RAB8B: variants seen among roughly 807,000 people sequenced by gnomAD.
The protein encoded by RAB8B is ras-related protein Rab-8B.
In RAB8B, 11 loss-of-function variants were observed where a neutral mutation model predicts 32.0. That is an observed-to-expected ratio of 0.34 (90% CI 0.22 to 0.57). The LOEUF is 0.57. RAB8B is among the 20% of genes least tolerant of loss of function. RAB8B has a pLI of 0.86. For synonymous variants in RAB8B, 103 were observed against 89.6 expected, an observed-to-expected ratio of 1.15 and a Z score of -0.85; for missense variants, 190 against 258.5, an observed-to-expected ratio of 0.73 and a Z score of 1.82.
intron 1 of RAB8B, among the ~76,000 whole-genome samples, chr15:63,234,658 A>T (rs2037963237): frequency 6.6e-6 from 1 of 152,164 alleles, no homozygotes; most frequent in South Asian, 2.1e-4. Context: ...CTTACCCCTC[A>T]CTGGTGCCAC....
intron 1 of RAB8B, among the ~76,000 whole-genome samples, chr15:63,236,098 A>G (rs569938502): frequency 6.6e-6 from 1 of 152,328 alleles, no homozygotes; most frequent in African/African-American, 2.4e-5. Flanking sequence ...TTTCTTAGCC[A>G]CACAGACAGG....
intron 1 of RAB8B, among the ~76,000 whole-genome samples, chr15:63,191,929 C>A (rs753844455): frequency 2.6e-5 from 4 of 151,984 alleles, no homozygotes; most frequent in Non-Finnish European, 5.9e-5. Context: ...CAGTGGATTT[C>A]AAAAAATGAT....
chr15:63,194,126 T>G, intron 1 of RAB8B, among the ~76,000 whole-genome samples: 1 of 152,182 alleles, frequency 6.6e-6, no homozygotes, highest in East Asian at 1.9e-4. Context: ...TTTCACTATT[T>G]AGTATAGTCA....
chr15:63,243,108 C>G (rs916590144), intron 1 of RAB8B, among the ~76,000 whole-genome samples: 1 of 152,152 alleles, frequency 6.6e-6, no homozygotes, highest in Non-Finnish European at 1.5e-5. Context: ...CTAGATCCCC[C>G]ACATGGGCAG....
intron 1 of RAB8B, among the ~76,000 whole-genome samples, chr15:63,215,842 G>A (rs1027881589): frequency 6.6e-6 from 1 of 152,034 alleles, no homozygotes; most frequent in Non-Finnish European, 1.5e-5. Flanking sequence ...TTTGAGACCA[G>A]CCTGGGCAAC....
At chr15:63,196,430 G>A (rs1219866155) in intron 1 of RAB8B, among the ~76,000 whole-genome samples, 1 of 152,258 alleles carries the variant, frequency 6.6e-6, no homozygotes, top group Non-Finnish European at 1.5e-5. Flanking sequence ...ATGGGCATCT[G>A]CCGTTCTAGC....
intron 3 of RAB8B, among the ~76,000 whole-genome samples, chr15:63,252,595 G>C (rs2152581604): frequency 6.6e-6 from 1 of 151,728 alleles, no homozygotes. Flanking sequence ...AGCTAGGGCA[G>C]TTATTTGGGT....
At chr15:63,241,218 T>C (rs1408043571) in intron 1 of RAB8B, among the ~76,000 whole-genome samples, 2 of 152,076 alleles carry the variant, frequency 1.3e-5, no homozygotes, top group African/African-American at 4.8e-5. Context: ...TGGAGCACAC[T>C]GTAATCCCAG....
chr15:63,255,702 C>A, intron 4 of RAB8B, 118 bp downstream of exon 4: 1 of 768,404 alleles, frequency 1.3e-6, no homozygotes. Flanking sequence ...CAGGTTGGGC[C>A]CTCTCTCTCT....
At chr15:63,251,971 A>G (rs2038120412) in intron 3 of RAB8B, among the ~76,000 whole-genome samples, 1 of 152,066 alleles carries the variant, frequency 6.6e-6, no homozygotes, top group South Asian at 2.1e-4. Flanking sequence ...GGCATTTCAA[A>G]CACATCAACA....
chr15:63,194,512 C>A (rs772968229), intron 1 of RAB8B, among the ~76,000 whole-genome samples: 1 of 152,176 alleles, frequency 6.6e-6, no homozygotes, highest in Non-Finnish European at 1.5e-5. Flanking sequence ...AATAACTCAG[C>A]GCATAGCTGT....
At chr15:63,261,787 C>T in intron 6 of RAB8B, among the ~76,000 whole-genome samples, 1 of 152,078 alleles carries the variant, frequency 6.6e-6, no homozygotes, top group East Asian at 1.9e-4. Context: ...GTGTTGGGAA[C>T]AAAGAGGTTG....
At chr15:63,231,691 A>G (rs1188022670) in intron 1 of RAB8B, among the ~76,000 whole-genome samples, 2 of 152,166 alleles carry the variant, frequency 1.3e-5, no homozygotes, top group African/African-American at 4.8e-5. Flanking sequence ...GCAGCAAGAG[A>G]GACGCAACTG....
chr15:63,217,138 A>T (rs1268023873), intron 1 of RAB8B, among the ~76,000 whole-genome samples: 1 of 152,186 alleles, frequency 6.6e-6, no homozygotes, highest in Non-Finnish European at 1.5e-5. Context: ...GATAAATCAT[A>T]TATGATTAAT....
chr15:63,191,017 C>G (rs1048079394), intron 1 of RAB8B, among the ~76,000 whole-genome samples: 1 of 152,180 alleles, frequency 6.6e-6, no homozygotes, highest in Non-Finnish European at 1.5e-5. Flanking sequence ...AAACTGAAGA[C>G]CAAGTCAAAG....
chr15:63,224,156 T>C (rs1444529446), intron 1 of RAB8B, among the ~76,000 whole-genome samples: 1 of 152,240 alleles, frequency 6.6e-6, no homozygotes, highest in East Asian at 1.9e-4. Flanking sequence ...CCATATTTTA[T>C]TTTATTTATT....
intron 3 of RAB8B, 107 bp downstream of exon 3, chr15:63,249,812 A>C (rs758269428): frequency 4.9e-4 from 596 of 1,209,684 alleles, no homozygotes; most frequent in Non-Finnish European, 6.5e-4. Flanking sequence ...TAGAAAAATA[A>C]ATTTTCTGAT....
At position 63,265,612 on chromosome 15, in the gene RAB8B, A is replaced by G. The variant is rs2038240076; in HGVS notation, c.*1993A>G. ...AAGTACCTTCTAAAAGATAAGTGCT[A>G]TGACACCATGTATGAATGTAATTCT... is the stretch of plus-strand genomic sequence containing the variant. On this transcript the variant is annotated 3_prime_UTR_variant, in exon 8 of 8. Coordinates refer to ENST00000321437, the MANE Select transcript of RAB8B (RefSeq NM_016530.3). The surrounding 1 kb of genome is among the most constrained non-coding windows in gnomAD (Gnocchi z 4.9). The G allele has an allele frequency of 6.6e-6, 1 of 152,636 alleles. No homozygotes were observed. The highest frequency in any genetic ancestry group is 6.5e-5 in the Admixed American group (1 of 15,282). 9.5% of individuals were successfully genotyped at this position (152,636 alleles called of 1,614,324 possible). A position where few individuals can be genotyped will look rare whatever the true frequency, so the allele number is the denominator to read the frequency against.
At chr15:63,224,479 G>C (rs2037872740) in intron 1 of RAB8B, among the ~76,000 whole-genome samples, 1 of 152,100 alleles carries the variant, frequency 6.6e-6, no homozygotes, top group Non-Finnish European at 1.5e-5. Context: ...CATATGAGTG[G>C]AAAATTACCT....
Sources: gnomAD v4.1 joint callset for allele counts (sites outside exome capture counted in the v4.1 genomes callset) on GRCh38, gnomAD v4.1.1 for gene constraint, Gnocchi (gnomAD v3.1) non-coding constraint, MANE v1.5 for transcripts, NCBI Gene and HGNC (gene_info 2026-07-23, HGNC 2026-07-21) for gene names.